PDS5A: variants seen among roughly 807,000 people sequenced by gnomAD.
The protein encoded by PDS5A is PDS5 cohesin associated factor A, also known as sister chromatid cohesion protein PDS5 homolog A.
In PDS5A, 42 loss-of-function variants were observed where a neutral mutation model predicts 167.1. The ratio of observed to expected loss-of-function variants is 0.25; its 90% CI spans 0.20 to 0.33. PDS5A has a LOEUF of 0.33. PDS5A is among the 10% of genes least tolerant of loss of function. The probability of loss-of-function intolerance (pLI) is 1.00; values close to 1 mark genes in which losing one functional copy is unlikely to be tolerated. For missense variants in PDS5A, 1,033 were observed against 1,605.9 expected (o/e 0.64, Z 6.10); for synonymous variants, 553 against 554.6 (o/e 1.00, Z 0.04).
chr4:39,938,468 T>C (rs1726864586), intron 2 of PDS5A, among the ~76,000 whole-genome samples: 1 of 151,776 alleles, frequency 6.6e-6, no homozygotes, highest in South Asian at 2.1e-4. Context: ...GGCAGGAGAA[T>C]CACTTGAACC....
intron 7 of PDS5A, among the ~76,000 whole-genome samples, chr4:39,918,985 T>A (rs1476141496): frequency 6.6e-6 from 1 of 152,202 alleles, no homozygotes; most frequent in Non-Finnish European, 1.5e-5. Flanking sequence ...ATACTACTTC[T>A]GAAAGGATAT....
intron 16 of PDS5A, among the ~76,000 whole-genome samples, chr4:39,891,628 A>T (rs1721972623): frequency 6.6e-6 from 1 of 151,920 alleles, no homozygotes; most frequent in Non-Finnish European, 1.5e-5. Flanking sequence ...AGCCTGGGGA[A>T]CAAGAGCAAC....
chr4:39,976,644 C>T (rs1449434159), intron 1 of PDS5A, 27 bp from the exon 2 acceptor site: 22 of 1,280,676 alleles, frequency 1.7e-5, no homozygotes, highest in Non-Finnish European at 9.9e-6. Flanking sequence ...CAAAGTTCAG[C>T]GGGAAAGGGG....
chr4:39,830,935 G>A (rs185766465), intron 32 of PDS5A, among the ~76,000 whole-genome samples: 85 of 152,348 alleles, frequency 5.6e-4, no homozygotes, highest in African/African-American at 1.9e-3. Context: ...AAATAAACTA[G>A]TGCTTTTACT....
At chr4:39,873,258 T>C (rs1720198164) in intron 20 of PDS5A, 114 bp from the exon 21 acceptor site, 1 of 493,306 alleles carries the variant, frequency 2.0e-6, no homozygotes, top group African/African-American at 2.0e-5. Flanking sequence ...AAACCAATCT[T>C]CTCTAATACG....
chr4:39,850,014 T>TAC (rs1717977436), intron 26 of PDS5A, among the ~76,000 whole-genome samples: 2 of 152,110 alleles, frequency 1.3e-5, no homozygotes, highest in Admixed American at 1.3e-4. Flanking sequence ...GGCTCATGCC[T>TAC]GTAATCCTAG....
intron 17 of PDS5A, among the ~76,000 whole-genome samples, chr4:39,880,299 A>G (rs1720822964): frequency 6.6e-6 from 1 of 152,158 alleles, no homozygotes; most frequent in Non-Finnish European, 1.5e-5. Flanking sequence ...GCAAAGAAGC[A>G]AGTCATTGGA....
At chr4:39,881,571 T>C (rs1167798378) in intron 17 of PDS5A, among the ~76,000 whole-genome samples, 1 of 152,112 alleles carries the variant, frequency 6.6e-6, no homozygotes, top group East Asian at 1.9e-4. Flanking sequence ...TACCACACAA[T>C]TCCCTGAATT....
chr4:39,927,430 A>G (rs1336806116), intron 3 of PDS5A, among the ~76,000 whole-genome samples: 4 of 152,168 alleles, frequency 2.6e-5, no homozygotes, highest in Admixed American at 2.6e-4. Context: ...TTTTAGGACT[A>G]TTTTTAAAGA....
At chr4:39,949,301 CAAAAAAAAAA>C (rs71645201) in intron 2 of PDS5A, among the ~76,000 whole-genome samples, 1 of 93,942 alleles carries the variant, frequency 1.1e-5, no homozygotes, top group African/African-American at 4.3e-5. Flanking sequence ...GAACCTATCT[CAAAAAAAAAA>C]AAAAAAAAAA....
At chr4:39,976,179 CAG>C (rs1337046487) in intron 2 of PDS5A, 2 of 267,338 alleles carry the variant, frequency 7.5e-6, no homozygotes, top group African/African-American at 4.4e-5. Context: ...TAAATACCTC[CAG>C]AAAAAACTCT....
Position 39,844,803 on chromosome 4 carries a change from T to TAAAAAC in PDS5A, c.3403-8_3403-3dup, listed in dbSNP as rs749762293. On this transcript the variant is annotated splice_region_variant and splice_polypyrimidine_tract_variant and intron_variant, in intron 29 of 32. Transcript: ENST00000303538. ...ACCTAGTACTCCAGCAGGCTTTGGC[T>TAAAAAC]AAAAACAAAAACAAAAAACCCCCCA... 1.3e-6 allele frequency: 2 copies of TAAAAAC among 1,590,126 alleles called. No homozygotes were observed. The highest frequency in any genetic ancestry group is 2.2e-5 in the East Asian group (1 of 44,786).
intron 10 of PDS5A, chr4:39,908,938 G>A (rs1229805399): frequency 6.2e-6 from 1 of 162,358 alleles, no homozygotes; most frequent in Non-Finnish European, 1.3e-5. Flanking sequence ...TACTTGGGAG[G>A]CTAAGGAGGG....
intron 2 of PDS5A, among the ~76,000 whole-genome samples, chr4:39,952,985 T>G (rs930177861): frequency 2.0e-5 from 3 of 152,192 alleles, no homozygotes; most frequent in Non-Finnish European, 4.4e-5. Flanking sequence ...AGCCTTGGCC[T>G]CCCAAAGTGC....
At chr4:39,907,743 T>C (rs897303290) in intron 11 of PDS5A, among the ~76,000 whole-genome samples, 4 of 152,068 alleles carry the variant, frequency 2.6e-5, no homozygotes, top group African/African-American at 7.2e-5. Context: ...CCCGCCACCA[T>C]GCTCAGCTAA....
chr4:39,971,527 A>G (rs1335059754), intron 2 of PDS5A, among the ~76,000 whole-genome samples: 1 of 151,798 alleles, frequency 6.6e-6, no homozygotes, highest in African/African-American at 2.4e-5. Flanking sequence ...CAGTGGCATA[A>G]TGCCTCACTG....
Position 39,890,256 on chromosome 4 carries a change from C to A in PDS5A, c.1879G>T (p.Ala627Ser), listed in dbSNP as rs758201681. 6.6e-7 allele frequency: 1 copy of A among 1,515,030 alleles called. No homozygotes were observed. The highest frequency in any genetic ancestry group is 2.3e-5 in the East Asian group (1 of 43,200). The allele number at this position is 1,515,030 out of a possible 1,614,324, so 93.8% of individuals were successfully genotyped here. The change falls in exon 17 of 33, where the codon GCC becomes TCC. Residue 627 changes from alanine (A) to serine (S), a missense_variant. By Grantham distance (99) the Ala-to-Ser change is moderately conservative. Around this residue, in one of 4 missense-constraint regions of PDS5A, gnomAD observed 367 missense variants for 686.7 expected, o/e 0.53. Coordinates refer to ENST00000303538, the MANE Select transcript of PDS5A (RefSeq NM_001100399.2). ...RIAPVHIDSE[A>S]ISALVKLMNK... ...ATATACTTCTTGGCTTACCTTATGG[C>A]TTCTGAATCAATGTGCACAGGTGCG... is the stretch of plus-strand genomic sequence containing the variant.
At chr4:39,901,607 T>C (rs1722894881) in intron 13 of PDS5A, among the ~76,000 whole-genome samples, 1 of 152,068 alleles carries the variant, frequency 6.6e-6, no homozygotes, top group Non-Finnish European at 1.5e-5. Context: ...CAGGAACACT[T>C]GAAGAAGCCA....
chr4:39,899,851 TAAAAAA>T (rs532738160), intron 14 of PDS5A, among the ~76,000 whole-genome samples: 2 of 102,412 alleles, frequency 2.0e-5, no homozygotes, highest in African/African-American at 4.6e-5. Context: ...TCCTGTGTAT[TAAAAAA>T]AAAAAAAAAA....
Sources: allele counts gnomAD v4.1 joint callset (sites outside exome capture counted in the v4.1 genomes callset), GRCh38; gene constraint gnomAD v4.1.1; regional missense constraint gnomAD v4.1.1; transcripts MANE v1.5; gene names NCBI Gene and HGNC (gene_info 2026-07-23, HGNC 2026-07-21).